CALD1: variants seen among roughly 807,000 people sequenced by gnomAD.
CALD1 encodes the protein caldesmon 1, also known as caldesmon.
In CALD1, 33 loss-of-function variants were observed where a neutral mutation model predicts 99.9. That is an observed-to-expected ratio of 0.33 (90% CI 0.25 to 0.44). The LOEUF is 0.44. Among genes scored for constraint, CALD1 ranks in the 20% least tolerant of loss-of-function variants. The probability of loss-of-function intolerance (pLI) is 1.00; values close to 1 mark genes in which losing one functional copy is unlikely to be tolerated. For missense variants in CALD1, 861 were observed against 962.1 expected (o/e 0.89, Z 1.39); for synonymous variants, 310 against 325.0 (o/e 0.95, Z 0.50).
chr7:134,933,697 G>C lies in CALD1; in HGVS notation c.928G>C (p.Glu310Gln). The C allele has an allele frequency of 6.3e-7, 1 of 1,576,374 alleles. No individual in the cohort carries two copies. Among genetic ancestry groups the C allele is most frequent in the Non-Finnish European group, 8.6e-7 (1 of 1,159,722 alleles). Residue 310 changes from glutamate to glutamine, a missense_variant, in exon 5 of 15, where the codon GAG (glutamate) becomes CAG (glutamine). By Grantham distance (29) the Glu-to-Gln change is conservative. Around this residue, in one of 5 missense-constraint regions of CALD1, gnomAD observed 234 missense variants for 233.1 expected, o/e 1.00. Coordinates refer to ENST00000361675, the MANE Select transcript of CALD1 (RefSeq NM_033138.4). ...AGCTGCCCAAGAAAGAGAAAGGAGA[G>C]AGGCAGAAGAGAGGGAAAGGATGAG... ...KAAAQERERR[E>Q]AEERERMREE...
chr7:134,806,052 C>T (rs1798124305), intron 1 of CALD1, among the ~76,000 whole-genome samples: 1 of 152,236 alleles, frequency 6.6e-6, no homozygotes, highest in African/African-American at 2.4e-5. Context: ...TAAGCCACCA[C>T]ACCCGGCCCC....
At chr7:134,755,449 T>G (rs538630740) in intron 1 of CALD1, among the ~76,000 whole-genome samples, 1 of 152,390 alleles carries the variant, frequency 6.6e-6, no homozygotes, top group South Asian at 2.1e-4. Context: ...TTTTTGTGTA[T>G]GCCTACTATT....
chr7:134,903,719 T>A (rs1274690082), intron 3 of CALD1, among the ~76,000 whole-genome samples: 1 of 152,084 alleles, frequency 6.6e-6, no homozygotes, highest in Non-Finnish European at 1.5e-5. Flanking sequence ...GATAAGGACA[T>A]CAGTCATATT....
intron 6 of CALD1, 131 bp downstream of exon 6, chr7:134,935,896 C>G: frequency 1.2e-6 from 1 of 825,790 alleles, no homozygotes; most frequent in Non-Finnish European, 1.8e-6. Flanking sequence ...ACTCACAGTC[C>G]ACTGAATAGT....
At chr7:134,940,665 C>G (rs762132545) in intron 6 of CALD1, among the ~76,000 whole-genome samples, 1 of 152,158 alleles carries the variant, frequency 6.6e-6, no homozygotes, top group Non-Finnish European at 1.5e-5. Flanking sequence ...CCATTTGTGT[C>G]TCTCTCACAG....
chr7:134,887,183 G>C (rs1253639187), intron 3 of CALD1, among the ~76,000 whole-genome samples: 1 of 152,200 alleles, frequency 6.6e-6, no homozygotes, highest in African/African-American at 2.4e-5. Flanking sequence ...TTTTTCCACA[G>C]CAGCTCCTGC....
At chr7:134,759,884 A>G (rs1796761495) in intron 1 of CALD1, among the ~76,000 whole-genome samples, 1 of 152,244 alleles carries the variant, frequency 6.6e-6, no homozygotes, top group Non-Finnish European at 1.5e-5. Context: ...GCCAAGAAGA[A>G]AAATAACTCA....
chr7:134,728,374 C>T, the CALD1 span, among the ~76,000 whole-genome samples: 1 of 152,136 alleles, frequency 6.6e-6, no homozygotes, highest in East Asian at 1.9e-4. Flanking sequence ...GTACAGAAAA[C>T]AGAAGTCAGG....
At chr7:134,757,350 G>A (rs1240413771) in intron 1 of CALD1, among the ~76,000 whole-genome samples, 3 of 152,012 alleles carry the variant, frequency 2.0e-5, no homozygotes, top group African/African-American at 4.8e-5. Flanking sequence ...CATTCTCTAC[G>A]TTTCTCTATC....
At chr7:134,714,019 G>A in the CALD1 span, among the ~76,000 whole-genome samples, 1 of 152,000 alleles carries the variant, frequency 6.6e-6, no homozygotes, top group Admixed American at 6.6e-5. Context: ...GTGAGTTATT[G>A]CTAGATCTGG....
intron 3 of CALD1, among the ~76,000 whole-genome samples, chr7:134,888,115 CCTTT>C (rs535397219): frequency 3.9e-4 from 60 of 152,262 alleles, no homozygotes; most frequent in African/African-American, 1.3e-3. Flanking sequence ...GGGAGCTGTT[CCTTT>C]CTATTACAGT....
In CALD1 at chr7:134,958,295, G is replaced by A; in HGVS notation, c.2061+5G>A. The A allele has an allele frequency of 6.2e-7, 1 of 1,608,784 alleles. No individual in the cohort carries two copies. The highest frequency in any genetic ancestry group is 8.5e-7 in the Non-Finnish European group (1 of 1,175,408). On this transcript the variant is annotated splice_donor_5th_base_variant and intron_variant, in intron 11 of 14. Coordinates refer to ENST00000361675, the MANE Select transcript of CALD1 (RefSeq NM_033138.4). ...CAGTATACCAGTGCAATTGAGGTGA[G>A]AATTGTCCTCAGCGTTATGGTCCTG...
intron 13 of CALD1, among the ~76,000 whole-genome samples, chr7:134,964,585 G>A (rs1012052761): frequency 6.6e-6 from 1 of 152,150 alleles, no homozygotes; most frequent in Non-Finnish European, 1.5e-5. Context: ...TGTACCCAGA[G>A]AAAGTCCCTA....
At chr7:134,852,783 T>G (rs758164224) in intron 2 of CALD1, among the ~76,000 whole-genome samples, 1 of 152,190 alleles carries the variant, frequency 6.6e-6, no homozygotes, top group Non-Finnish European at 1.5e-5. Flanking sequence ...GCTGAGACCT[T>G]GACTTAAATC....
intron 3 of CALD1, among the ~76,000 whole-genome samples, chr7:134,913,618 A>T (rs548504563): frequency 6.6e-6 from 1 of 152,340 alleles, no homozygotes; most frequent in Admixed American, 6.5e-5. Context: ...TAATTTTTAA[A>T]ATTGATTGTA....
chr7:134,890,293 C>A (rs979419488), intron 3 of CALD1, among the ~76,000 whole-genome samples: 2 of 152,156 alleles, frequency 1.3e-5, no homozygotes, highest in Non-Finnish European at 2.9e-5. Flanking sequence ...TTAACCTAAC[C>A]CAATTAAACT....
intron 3 of CALD1, among the ~76,000 whole-genome samples, chr7:134,887,102 G>A (rs1437534416): frequency 6.6e-6 from 1 of 152,180 alleles, no homozygotes; most frequent in Admixed American, 6.5e-5. Flanking sequence ...ATTAAGAAAC[G>A]TGTATCAGCA....
chr7:134,746,177 GATA>G (rs1167078945), intron 1 of CALD1, among the ~76,000 whole-genome samples: 1 of 152,170 alleles, frequency 6.6e-6, no homozygotes, highest in African/African-American at 2.4e-5. Context: ...ACTCCAAGAT[GATA>G]ATATTAGAAG....
At chr7:134,936,788 CCT>C (rs1806016154) in intron 6 of CALD1, among the ~76,000 whole-genome samples, 2 of 152,116 alleles carry the variant, frequency 1.3e-5, no homozygotes, top group South Asian at 4.1e-4. Flanking sequence ...GATGTATGTT[CCT>C]CTGTTTCTAA....
Sources: gnomAD v4.1 joint callset for allele counts (sites outside exome capture counted in the v4.1 genomes callset) on GRCh38, gnomAD v4.1.1 for gene constraint, gnomAD v4.1.1 regional missense constraint, MANE v1.5 for transcripts, NCBI Gene and HGNC (gene_info 2026-07-23, HGNC 2026-07-21) for gene names.